Variants in VEPH1 observed in about 807,000 individuals in gnomAD.
The protein encoded by VEPH1 is ventricular zone-expressed PH domain-containing protein homolog 1.
VEPH1 carries 80 observed loss-of-function variants against 85.2 expected under a neutral mutation model. The ratio of observed to expected loss-of-function variants is 0.94; its 90% CI spans 0.78 to 1.13. VEPH1 has a LOEUF of 1.13. Ranked by LOEUF, VEPH1 falls within the 50% of genes most tolerant of loss-of-function variation. The pLI, the probability that VEPH1 is intolerant of heterozygous loss-of-function variation, is 0.00. For missense variants in VEPH1, 955 were observed against 980.5 expected, an observed-to-expected ratio of 0.97 and a Z score of 0.35; for synonymous variants, 297 against 348.0, an observed-to-expected ratio of 0.85 and a Z score of 1.63.
intron 2 of VEPH1, among the ~76,000 whole-genome samples, chr3:157,476,402 C>T (rs1392340487): frequency 6.6e-6 from 1 of 152,200 alleles, no homozygotes; most frequent in Non-Finnish European, 1.5e-5. Context: ...AGCATTTGGT[C>T]TGCTGACATA....
rs571652405 is a variant in VEPH1, at chr3:157,301,169, G to A, written c.2010+12452C>T. Among the ~76,000 whole-genome samples the A allele has an allele frequency of 4.6e-5, 7 of 152,266 alleles. No individual in the cohort carries two copies. The South Asian group carries it at 8.3e-4, about 18-fold the overall frequency. On this transcript the variant is annotated intron_variant, in intron 11 of 13. Coordinates refer to ENST00000362010, the MANE Select transcript of VEPH1 (RefSeq NM_001167912.2). ...CACGGAGCATGCTGTAAACATAGCC[G>A]TGGTCAGTTAACTTCATCTTGCCCT...
In VEPH1 at chr3:157,470,200, C is replaced by CT. The variant is rs373220734; in HGVS notation, c.354+113dup. The CT allele has an allele frequency of 3.0e-4, 287 of 971,480 alleles. No individual in the cohort carries two copies. The African/African-American group carries it at 4.2e-3, about 14-fold the overall frequency. 60.2% of individuals were successfully genotyped at this position (971,480 alleles called of 1,614,324 possible). A position where few individuals can be genotyped will look rare whatever the true frequency, so the allele number is the denominator to read the frequency against. ...CCCAGCTATTGATGGCTTGTAGTGT[C>CT]TTTTTACAGTATCTAAATGCTGCAG... On this transcript the variant is annotated intron_variant, in intron 3 of 13. Transcript: ENST00000362010.
intron 9 of VEPH1, among the ~76,000 whole-genome samples, chr3:157,327,604 A>G (rs974758371): frequency 4.6e-5 from 7 of 152,220 alleles, no homozygotes; most frequent in African/African-American, 1.2e-4. Context: ...AGAAACACTT[A>G]TAAGAGTCAC....
At chr3:157,347,857 G>C (rs576881163) in intron 9 of VEPH1, among the ~76,000 whole-genome samples, 2 of 152,328 alleles carry the variant, frequency 1.3e-5, no homozygotes, top group South Asian at 2.1e-4. Flanking sequence ...TCACATAGCT[G>C]CATTGCTCTG....
chr3:157,444,645 C>A (rs1461971743), intron 4 of VEPH1, among the ~76,000 whole-genome samples: 2 of 152,152 alleles, frequency 1.3e-5, no homozygotes, highest in African/African-American at 4.8e-5. Context: ...AAAACTTAAG[C>A]AGAAAATTAG....
intron 3 of VEPH1, among the ~76,000 whole-genome samples, chr3:157,469,871 A>C (rs560203363): frequency 6.6e-6 from 1 of 152,276 alleles, no homozygotes; most frequent in South Asian, 2.1e-4. Context: ...AAAAATTCTC[A>C]ATACATATAG....
chr3:157,350,904 C>T (rs2036155519), intron 9 of VEPH1, among the ~76,000 whole-genome samples: 2 of 152,092 alleles, frequency 1.3e-5, no homozygotes, highest in South Asian at 4.1e-4. Flanking sequence ...GAAAAGAGTA[C>T]TCTTACATGC....
chr3:157,437,937 G>C, intron 4 of VEPH1: 1 of 1,527,800 alleles, frequency 6.5e-7, no homozygotes, highest in Non-Finnish European at 8.7e-7. Context: ...GCGGGGCCGG[G>C]ACCTCCCACT....
At position 157,495,226 on chromosome 3, in the gene VEPH1, T is replaced by G; in HGVS notation, c.124A>C (p.Ile42Leu). 1 of 1,613,928 alleles carries G rather than the reference T, an allele frequency of 6.2e-7. No homozygotes were observed. The highest frequency in any genetic ancestry group is 8.5e-7 in the Non-Finnish European group (1 of 1,179,880). The change falls in exon 2 of 14, where the codon ATT (isoleucine) becomes CTT (leucine). Residue 42 changes from isoleucine to leucine, a missense_variant. By Grantham distance (5) the Ile-to-Leu change is conservative. Transcript: ENST00000362010. Reference protein sequence around the residue: ...LTEALEQIKIISSSSDYQTNN... With the variant: ...LTEALEQIKILSSSSDYQTNN... Reference sequence around the variant, plus strand: ...AGTTTACTTACTGAAGATGAGCTAATTATCTTAATTTGCTCCAAAGCTTCT... The same window carrying G: ...AGTTTACTTACTGAAGATGAGCTAAGTATCTTAATTTGCTCCAAAGCTTCT...
At chr3:157,324,617 A>C (rs1214822694) in intron 9 of VEPH1, among the ~76,000 whole-genome samples, 2 of 150,784 alleles carry the variant, frequency 1.3e-5, no homozygotes, top group Non-Finnish European at 2.9e-5. Flanking sequence ...TAGTTTGCTG[A>C]GGGTAATGGC....
chr3:157,375,677 T>C (rs1728012347), intron 7 of VEPH1, among the ~76,000 whole-genome samples: 1 of 152,202 alleles, frequency 6.6e-6, no homozygotes, highest in African/African-American at 2.4e-5. Flanking sequence ...CTCCTGCATG[T>C]GCTATTGTTT....
At chr3:157,349,374 A>C (rs1038230958) in intron 9 of VEPH1, among the ~76,000 whole-genome samples, 1 of 152,234 alleles carries the variant, frequency 6.6e-6, no homozygotes, top group Non-Finnish European at 1.5e-5. Flanking sequence ...GCATCAATGG[A>C]ACATACTTCA....
At chr3:157,452,877 G>A (rs1012719171) in intron 4 of VEPH1, among the ~76,000 whole-genome samples, 3 of 152,032 alleles carry the variant, frequency 2.0e-5, no homozygotes, top group Non-Finnish European at 4.4e-5. Flanking sequence ...CCTATTGTTG[G>A]CAACAGTCCT....
chr3:157,429,366 A>G (rs1446757852), intron 4 of VEPH1, among the ~76,000 whole-genome samples: 1 of 152,228 alleles, frequency 6.6e-6, no homozygotes, highest in Non-Finnish European at 1.5e-5. Context: ...GGAATTACAC[A>G]TATATGGACC....
chr3:157,365,640 C>T (rs973443638), intron 7 of VEPH1, among the ~76,000 whole-genome samples: 11 of 152,108 alleles, frequency 7.2e-5, no homozygotes, highest in African/African-American at 2.7e-4. Flanking sequence ...CCACCCCACC[C>T]CCATGGTTCA....
intron 7 of VEPH1, among the ~76,000 whole-genome samples, chr3:157,365,874 T>C (rs1213834954): frequency 2.6e-5 from 4 of 152,160 alleles, no homozygotes; most frequent in Non-Finnish European, 5.9e-5. Context: ...TAGGGGTTAT[T>C]ATGACGGTTT....
chr3:157,485,753 AAC>A (rs1312935349), intron 2 of VEPH1, among the ~76,000 whole-genome samples: 1 of 152,142 alleles, frequency 6.6e-6, no homozygotes, highest in Non-Finnish European at 1.5e-5. Flanking sequence ...CTACTTATAT[AAC>A]ATTTACAAAT....
rs933860489 is a variant in VEPH1 at position 157,450,771 on chromosome 3, G to A, written c.529+9410C>T. On this transcript the variant is annotated intron_variant, in intron 4 of 13. Coordinates refer to ENST00000362010, the MANE Select transcript of VEPH1 (RefSeq NM_001167912.2). ...GTCTTTTGCAGTGTGGAATTATATC[G>A]AATATTAAGCCGTCCTGCATTTGTG... Among the ~76,000 whole-genome samples, 7 of 151,904 alleles carry A rather than the reference G, an allele frequency of 4.6e-5. No individual in the cohort carries two copies. The South Asian group carries it at 1.0e-3, about 23-fold the overall frequency.
chr3:157,342,667 C>T (rs1342205660), intron 9 of VEPH1, among the ~76,000 whole-genome samples: 1 of 152,138 alleles, frequency 6.6e-6, no homozygotes, highest in Admixed American at 6.5e-5. Flanking sequence ...CAGCTCTGCA[C>T]CAAGTGGACT....
Sources: gnomAD v4.1 joint callset for allele counts (sites outside exome capture counted in the v4.1 genomes callset) on GRCh38, gnomAD v4.1.1 for gene constraint, MANE v1.5 for transcripts, NCBI Gene and HGNC (gene_info 2026-07-23, HGNC 2026-07-21) for gene names.